Variants in NRP1 observed in about 807,000 individuals in gnomAD.
NRP1 encodes the protein neuropilin 1, also known as neuropilin-1.
Under a neutral mutation model 106.7 loss-of-function variants are expected in NRP1, and 35 were observed. The observed-to-expected ratio is 0.33, with a 90% CI of 0.25 to 0.43. The LOEUF (loss-of-function observed/expected upper bound fraction) is 0.43. Among genes scored for constraint, NRP1 ranks in the 20% least tolerant of loss-of-function variants. The pLI is 1.00. For synonymous variants in NRP1, 437 were observed against 417.9 expected (o/e 1.05, Z -0.56); for missense variants, 1,024 against 1,170.4 (o/e 0.87, Z 1.83).
At chr10:33,231,611 C>T (rs919660383) in intron 6 of NRP1, among the ~76,000 whole-genome samples, 21 of 152,106 alleles carry the variant, frequency 1.4e-4, no homozygotes, top group Non-Finnish European at 2.6e-4. Context: ...ACATTATCAG[C>T]GGGCATTTAA....
chr10:33,314,721 C>G (rs995800956), intron 2 of NRP1, among the ~76,000 whole-genome samples: 1 of 152,130 alleles, frequency 6.6e-6, no homozygotes, highest in Non-Finnish European at 1.5e-5. Context: ...CTCATTGCCC[C>G]CTCCAGAAAC....
chr10:33,266,814 G>C (rs1272404737), intron 3 of NRP1, among the ~76,000 whole-genome samples: 1 of 152,150 alleles, frequency 6.6e-6, no homozygotes, highest in African/African-American at 2.4e-5. Flanking sequence ...CATGAGAACT[G>C]GTTGTTTAAA....
At chr10:33,279,168 C>T (rs1341873894) in intron 2 of NRP1, among the ~76,000 whole-genome samples, 5 of 152,162 alleles carry the variant, frequency 3.3e-5, no homozygotes, top group Admixed American at 3.3e-4. Context: ...TTTCCTATTG[C>T]AAAGTAACAA....
At chr10:33,199,919 A>G (rs1317512514) in intron 11 of NRP1, among the ~76,000 whole-genome samples, 1 of 152,232 alleles carries the variant, frequency 6.6e-6, no homozygotes, top group Non-Finnish European at 1.5e-5. Flanking sequence ...AGGGCCATAA[A>G]ATCGTGCTCT....
At position 33,216,870 on chromosome 10, in the gene NRP1, T is replaced by C. The variant is rs141901724; in HGVS notation, c.1283-3153A>G. On this transcript the variant is annotated intron_variant, in intron 8 of 16. Transcript: ENST00000374867. The stretch of plus-strand genomic sequence containing the variant: ...ATATGACTCTTCATGCCCTGTTTTA[T>C]ACATAGTATTTGCTCAACAAATATT... Among the ~76,000 whole-genome samples the C allele has an allele frequency of 2.6e-5, 4 of 152,312 alleles. No individual in the cohort carries two copies. In the East Asian group the frequency reaches 7.7e-4, roughly 29 times the overall value.
intron 1 of NRP1, among the ~76,000 whole-genome samples, chr10:33,331,139 A>G (rs1270699580): frequency 1.3e-5 from 2 of 152,120 alleles, no homozygotes; most frequent in East Asian, 1.9e-4. Context: ...GTTTCTTCCT[A>G]AGGAAAAGGT....
intron 9 of NRP1, chr10:33,212,853 T>G (rs113666149): frequency 0.015 from 2,774 of 185,336 alleles, 38 homozygotes; most frequent in Non-Finnish European, 0.021. Flanking sequence ...TGTATTTTAG[T>G]AGAGATGGGG....
chr10:33,214,601 T>A (rs949807264), intron 8 of NRP1, among the ~76,000 whole-genome samples: 2 of 152,142 alleles, frequency 1.3e-5, no homozygotes, highest in African/African-American at 4.8e-5. Flanking sequence ...CCACTTTGAA[T>A]CTCCACTACA....
chr10:33,215,961 T>A (rs971671219), intron 8 of NRP1, among the ~76,000 whole-genome samples: 2 of 152,154 alleles, frequency 1.3e-5, no homozygotes, highest in African/African-American at 4.8e-5. Context: ...TTCTGTTCCC[T>A]CCACAAGGAA....
At chr10:33,232,542 CAT>C (rs1262433158) in intron 6 of NRP1, among the ~76,000 whole-genome samples, 1 of 151,040 alleles carries the variant, frequency 6.6e-6, no homozygotes, top group East Asian at 2.0e-4. Flanking sequence ...GTGTGACAAA[CAT>C]AAACATCTGG....
intron 2 of NRP1, among the ~76,000 whole-genome samples, chr10:33,325,214 G>C (rs1847803379): frequency 6.6e-6 from 1 of 151,940 alleles, no homozygotes; most frequent in East Asian, 1.9e-4. Context: ...ATTTCATATG[G>C]AAAATAGAGA....
At chr10:33,182,624 C>T in intron 16 of NRP1, 74 bp downstream of exon 16, 1 of 1,056,466 alleles carries the variant, frequency 9.5e-7, no homozygotes, top group Non-Finnish European at 1.4e-6. Context: ...ATTAGAGTTC[C>T]ACAAAGTTTC....
chr10:33,328,341 T>A (rs1489529325), intron 2 of NRP1, among the ~76,000 whole-genome samples: 2 of 148,932 alleles, frequency 1.3e-5, no homozygotes, highest in Admixed American at 1.3e-4. Context: ...TAATAATTAG[T>A]ATACGCTGAT....
At chr10:33,222,872 C>G (rs962105414) in intron 7 of NRP1, among the ~76,000 whole-genome samples, 1 of 152,140 alleles carries the variant, frequency 6.6e-6, no homozygotes, top group Non-Finnish European at 1.5e-5. Context: ...TAATGCATGC[C>G]AGGCATGAAT....
chr10:33,192,669 A>G (rs1188000915), intron 12 of NRP1, among the ~76,000 whole-genome samples: 1 of 152,212 alleles, frequency 6.6e-6, no homozygotes, highest in African/African-American at 2.4e-5. Context: ...CTGCCTGTCA[A>G]ATTGGGTTTA....
chr10:33,187,966 A>G (rs1836125315), intron 13 of NRP1, among the ~76,000 whole-genome samples: 1 of 152,164 alleles, frequency 6.6e-6, no homozygotes, highest in African/African-American at 2.4e-5. Context: ...GTGTTCACAA[A>G]TGGCAGCTCT....
intron 6 of NRP1, chr10:33,249,415 T>G (rs1461591875): frequency 1.9e-6 from 1 of 516,818 alleles, no homozygotes; most frequent in Non-Finnish European, 3.9e-6. Context: ...CTGAATGGAG[T>G]GAAGGCTACG....
chr10:33,236,526 T>C (rs1439089825), intron 6 of NRP1, among the ~76,000 whole-genome samples: 1 of 152,164 alleles, frequency 6.6e-6, no homozygotes, highest in African/African-American at 2.4e-5. Context: ...AGGGTAGGAA[T>C]TGCATGGGTT....
chr10:33,285,697 G>C (rs1420235399), intron 2 of NRP1, among the ~76,000 whole-genome samples: 1 of 152,100 alleles, frequency 6.6e-6, no homozygotes, highest in Non-Finnish European at 1.5e-5. Flanking sequence ...CCATGGTGGT[G>C]CATGCCTGAA....
Sources: gnomAD v4.1 joint callset for allele counts (sites outside exome capture counted in the v4.1 genomes callset) on GRCh38, gnomAD v4.1.1 for gene constraint, MANE v1.5 for transcripts, NCBI Gene and HGNC (gene_info 2026-07-23, HGNC 2026-07-21) for gene names.